SLMAP: variants seen among roughly 807,000 people sequenced by gnomAD.
SLMAP encodes the protein sarcolemma associated protein.
SLMAP carries 44 observed loss-of-function variants against 128.8 expected under a neutral mutation model. That is an observed-to-expected ratio of 0.34 (90% confidence interval 0.27 to 0.44). The LOEUF (loss-of-function observed/expected upper bound fraction) is 0.44, where lower values mean the gene tolerates loss of function less well. SLMAP is among the 20% of genes least tolerant of loss of function. The pLI is 1.00. For missense variants in SLMAP, 787 were observed against 985.3 expected, an observed-to-expected ratio of 0.80 and a Z score of 2.69; for synonymous variants, 327 against 348.8, an observed-to-expected ratio of 0.94 and a Z score of 0.70.
intron 2 of SLMAP, among the ~76,000 whole-genome samples, chr3:57,760,294 C>G (rs78096807): frequency 6.6e-6 from 1 of 152,294 alleles, no homozygotes; most frequent in Non-Finnish European, 1.5e-5. Context: ...TGGCTTATTT[C>G]TACCATTTTC....
intron 6 of SLMAP, among the ~76,000 whole-genome samples, chr3:57,855,609 G>T (rs1271955840): frequency 6.7e-6 from 1 of 148,170 alleles, no homozygotes; most frequent in Non-Finnish European, 1.5e-5. Context: ...AGGCATGGTG[G>T]CTCATGCCTG....
intron 21 of SLMAP, among the ~76,000 whole-genome samples, chr3:57,913,595 T>C (rs1013486312): frequency 6.6e-6 from 1 of 152,200 alleles, no homozygotes; most frequent in Non-Finnish European, 1.5e-5. Context: ...ATTTCAAATA[T>C]CAACTGCTTT....
At chr3:57,801,360 TC>T in intron 2 of SLMAP, 1 of 152,780 alleles carries the variant, frequency 6.5e-6, no homozygotes, top group Middle Eastern at 2.1e-3. Flanking sequence ...CGAGCCCTCT[TC>T]CAGCCATTGA....
At chr3:57,831,287 A>G (rs2093323478) in intron 2 of SLMAP, 96 bp from the exon 3 acceptor site, 1 of 820,214 alleles carries the variant, frequency 1.2e-6, no homozygotes, top group Non-Finnish European at 1.7e-6. Flanking sequence ...ATTCACTTGC[A>G]ATAGTTGGCA....
At chr3:57,852,968 G>T (rs1264821531) in intron 6 of SLMAP, among the ~76,000 whole-genome samples, 10 of 152,078 alleles carry the variant, frequency 6.6e-5, no homozygotes, top group Admixed American at 6.6e-4. Context: ...GTAAAAACTG[G>T]AATAGATGCA....
At chr3:57,899,982 T>G (rs1383238552) in intron 17 of SLMAP, 1 of 152,116 alleles carries the variant, frequency 6.6e-6, no homozygotes, top group Admixed American at 6.6e-5. Flanking sequence ...GAAACATTTA[T>G]GTTATGCTTG....
At position 57,757,303 on chromosome 3, in the gene SLMAP, G is replaced by C. The variant is rs2077809824; in HGVS notation, c.-349G>C. ...ACAAGAATTGGCGTGTGACTCATCT[G>C]CTTGGATACCTCCAGTCCCCAAACT... On this transcript the variant is annotated 5_prime_UTR_variant, in exon 2 of 25. Coordinates refer to ENST00000671191, the MANE Select transcript of SLMAP (RefSeq NM_001377540.1). The C allele has an allele frequency of 5.5e-6, 2 of 362,336 alleles. No individual in the cohort carries two copies. The highest frequency in any genetic ancestry group is 2.1e-5 in the African/African-American group (1 of 47,784). 22.4% of individuals were successfully genotyped at this position (362,336 alleles called of 1,614,324 possible).
chr3:57,804,483 G>A (rs1292161261), intron 2 of SLMAP, among the ~76,000 whole-genome samples: 2 of 152,156 alleles, frequency 1.3e-5, no homozygotes, highest in East Asian at 1.9e-4. Flanking sequence ...GGTGGCTCAC[G>A]CCTATAATCC....
chr3:57,761,683 T>C (rs1261382738), intron 2 of SLMAP, among the ~76,000 whole-genome samples: 3 of 152,232 alleles, frequency 2.0e-5, no homozygotes, highest in African/African-American at 4.8e-5. Context: ...TGGGGTAATA[T>C]GTGCTTTGGG....
intron 24 of SLMAP, 145 bp from the exon 25 acceptor site, chr3:57,927,151 C>CT (rs1244016104): frequency 4.8e-6 from 2 of 415,238 alleles, no homozygotes; most frequent in African/African-American, 4.1e-5. Context: ...TTTTTTTTTT[C>CT]TTTTCAAACT....
intron 2 of SLMAP, among the ~76,000 whole-genome samples, chr3:57,804,667 T>C (rs1267502870): frequency 6.6e-6 from 1 of 152,138 alleles, no homozygotes; most frequent in African/African-American, 2.4e-5. Flanking sequence ...ATCACCTGTG[T>C]CTGGGAGGTC....
Position 57,860,777 on chromosome 3 carries a change from G to A in SLMAP, c.766G>A (p.Glu256Lys). 6.3e-7 allele frequency: 1 copy of A among 1,599,474 alleles called. No homozygotes were observed. The highest frequency in any genetic ancestry group is 8.5e-7 in the Non-Finnish European group (1 of 1,176,246). Residue 256 changes from glutamate to lysine, a missense_variant, in exon 9 of 25, where the codon GAG becomes AAG. This residue lies in a region of SLMAP where 715 missense variants were observed against 843.6 expected (regional missense o/e 0.85). Transcript: ENST00000671191. Reference sequence around the variant, plus strand: ...ACATAACTATGAGACAACAGCCAAAGAGTCCCTGAGGCGGGTTCTTCAGGA... The same window carrying A: ...ACATAACTATGAGACAACAGCCAAAAAGTCCCTGAGGCGGGTTCTTCAGGA... ...DKHNYETTAKESLRRVLQEKI... is the reference protein window; with the variant it reads ...DKHNYETTAKKSLRRVLQEKI...
chr3:57,766,307 C>T (rs1351639163), intron 2 of SLMAP, among the ~76,000 whole-genome samples: 2 of 151,888 alleles, frequency 1.3e-5, no homozygotes, highest in African/African-American at 2.4e-5. Flanking sequence ...TGAGCCACCA[C>T]ACCCAGTCTA....
intron 2 of SLMAP, among the ~76,000 whole-genome samples, chr3:57,796,793 A>G (rs1378937916): frequency 6.6e-6 from 1 of 152,214 alleles, no homozygotes; most frequent in Non-Finnish European, 1.5e-5. Context: ...ATTAAGTCAC[A>G]TTGTCAAAAA....
At chr3:57,762,703 T>C (rs1038921148) in intron 2 of SLMAP, among the ~76,000 whole-genome samples, 1 of 149,526 alleles carries the variant, frequency 6.7e-6, no homozygotes, top group Admixed American at 6.7e-5. Flanking sequence ...TGGCAGATAG[T>C]AGAATGGTTT....
At chr3:57,890,282 G>A (rs571460867) in intron 15 of SLMAP, 182 bp downstream of exon 15, 35 of 500,826 alleles carry the variant, frequency 7.0e-5, no homozygotes, top group East Asian at 6.1e-4. Flanking sequence ...GAAGGGTATC[G>A]TAACTGGAAT....
intron 3 of SLMAP, among the ~76,000 whole-genome samples, chr3:57,838,119 G>A (rs1277173857): frequency 1.3e-5 from 2 of 152,038 alleles, no homozygotes; most frequent in East Asian, 1.9e-4. Flanking sequence ...GTCACCTCTG[G>A]AACTAGTTTT....
At chr3:57,766,062 G>A (rs1298664843) in intron 2 of SLMAP, among the ~76,000 whole-genome samples, 2 of 147,766 alleles carry the variant, frequency 1.4e-5, no homozygotes, top group African/African-American at 5.0e-5. Context: ...ACAGTGGCGC[G>A]ATCTCGGCTC....
intron 2 of SLMAP, among the ~76,000 whole-genome samples, chr3:57,789,561 G>C (rs1194473394): frequency 1.3e-5 from 2 of 152,120 alleles, no homozygotes; most frequent in Admixed American, 6.5e-5. Context: ...GACTTAGCAA[G>C]GTTCTTTGGC....
Sources: allele counts gnomAD v4.1 joint callset (sites outside exome capture counted in the v4.1 genomes callset), GRCh38; gene constraint gnomAD v4.1.1; regional missense constraint gnomAD v4.1.1; transcripts MANE v1.5; gene names NCBI Gene and HGNC (gene_info 2026-07-23, HGNC 2026-07-21).